Variants in FMN2 observed in about 807,000 individuals in gnomAD.
FMN2 encodes formin 2.
FMN2 carries 51 observed loss-of-function variants against 142.3 expected under a neutral mutation model. The observed-to-expected ratio is 0.36, with a 90% confidence interval of 0.29 to 0.45. FMN2 has a LOEUF of 0.45. Ranked by LOEUF, FMN2 falls within the 20% of genes least tolerant of loss-of-function variation. FMN2 has a pLI of 1.00. For synonymous variants in FMN2, 882 were observed against 869.8 expected, an observed-to-expected ratio of 1.01 and a Z score of -0.25; for missense variants, 1,936 against 2,122.8, an observed-to-expected ratio of 0.91 and a Z score of 1.73.
intron 15 of FMN2, among the ~76,000 whole-genome samples, chr1:240,432,542 T>C (rs562526405): frequency 1.1e-4 from 16 of 152,088 alleles, no homozygotes; most frequent in Admixed American, 1.0e-3. Context: ...TAAGTTGGGT[T>C]TAATTTGCTC....
At chr1:240,169,119 G>A (rs1039510792) in intron 2 of FMN2, among the ~76,000 whole-genome samples, 2 of 152,166 alleles carry the variant, frequency 1.3e-5, no homozygotes, top group Non-Finnish European at 2.9e-5. Flanking sequence ...GCTGAGGCAG[G>A]AGAATCGCTT....
chr1:240,290,782 T>TTTTTG lies in FMN2; in HGVS notation c.4154-4036_4154-4035insGTTTT, dbSNP rs1558415167. 3.0e-4 allele frequency among the ~76,000 whole-genome samples: 31 copies of TTTTTG among 103,150 alleles called. 2 individuals carry two copies. The highest frequency in any genetic ancestry group is 3.3e-4 in the Non-Finnish European group (17 of 50,834). 67.7% of individuals were successfully genotyped at this position (103,150 alleles called of 152,430 possible). The stretch of plus-strand genomic sequence containing the variant: ...CTGGAGTGATGTCTGTTTGTTTGGT[T>TTTTTG]TTTTTTTTTTGTTTTTTTTTTTTTT... On this transcript the variant is annotated intron_variant, in intron 7 of 17. Coordinates refer to ENST00000319653, the MANE Select transcript of FMN2 (RefSeq NM_020066.5).
intron 13 of FMN2, among the ~76,000 whole-genome samples, chr1:240,354,793 G>A (rs953444126): frequency 1.3e-5 from 2 of 152,100 alleles, no homozygotes; most frequent in African/African-American, 4.8e-5. Context: ...AAAGTCTCCT[G>A]GGAGAAATGG....
At chr1:240,256,846 C>A (rs932171844) in intron 6 of FMN2, among the ~76,000 whole-genome samples, 2 of 152,288 alleles carry the variant, frequency 1.3e-5, no homozygotes, top group East Asian at 3.9e-4. Context: ...CACCCCCATC[C>A]GTGCTGGGGC....
chr1:240,267,632 T>TAA (rs60539167), intron 7 of FMN2, among the ~76,000 whole-genome samples: 13 of 140,630 alleles, frequency 9.2e-5, no homozygotes, highest in Admixed American at 1.4e-4. Context: ...CCCCTGAACT[T>TAA]AAAAAAAAAA....
intron 13 of FMN2, among the ~76,000 whole-genome samples, chr1:240,348,275 G>A (rs1016090503): frequency 2.0e-5 from 3 of 150,346 alleles, no homozygotes; most frequent in African/African-American, 7.4e-5. Flanking sequence ...AGGCTAGAGT[G>A]CAATGGCATG....
At chr1:240,292,153 G>C (rs953309494) in intron 7 of FMN2, among the ~76,000 whole-genome samples, 2 of 152,050 alleles carry the variant, frequency 1.3e-5, no homozygotes, top group Non-Finnish European at 2.9e-5. Flanking sequence ...TATTCCCTTT[G>C]GAGGAACTGT....
At chr1:240,442,272 G>A (rs1457580018) in intron 16 of FMN2, among the ~76,000 whole-genome samples, 1 of 152,174 alleles carries the variant, frequency 6.6e-6, no homozygotes, top group Non-Finnish European at 1.5e-5. Flanking sequence ...AACCCAGGAG[G>A]ACAGAGCAGT....
intron 15 of FMN2, among the ~76,000 whole-genome samples, chr1:240,413,943 G>A (rs1047872646): frequency 6.6e-6 from 1 of 152,126 alleles, no homozygotes; most frequent in Non-Finnish European, 1.5e-5. Context: ...AATGCTATGC[G>A]GTTTTCAACA....
At chr1:240,210,269 C>T (rs10754695) in intron 5 of FMN2, among the ~76,000 whole-genome samples, 41,199 of 152,048 alleles carry the variant, frequency 0.27, 5,749 homozygotes, top group Middle Eastern at 0.38. Flanking sequence ...CTGTAAACCT[C>T]ACTGGGGCTT....
chr1:240,193,526 AGAGT>A (rs1309101215), intron 4 of FMN2, among the ~76,000 whole-genome samples: 4 of 152,236 alleles, frequency 2.6e-5, no homozygotes, highest in Non-Finnish European at 4.4e-5. Flanking sequence ...GGAGGGAAGA[AGAGT>A]GAGTATTTCA....
At chr1:240,191,326 A>T (rs1665688370) in intron 4 of FMN2, among the ~76,000 whole-genome samples, 1 of 152,252 alleles carries the variant, frequency 6.6e-6, no homozygotes, top group Non-Finnish European at 1.5e-5. Flanking sequence ...AACTCACAGG[A>T]GTAGAAGGCT....
chr1:240,168,024 C>G (rs1271141372), intron 2 of FMN2, among the ~76,000 whole-genome samples: 1 of 152,110 alleles, frequency 6.6e-6, no homozygotes, highest in Admixed American at 6.6e-5. Flanking sequence ...GCACTCTAGC[C>G]TGGGTGACAG....
At position 240,339,096 on chromosome 1, in the gene FMN2, C is replaced by A. The variant is rs939244115; in HGVS notation, c.4765+4867C>A. Among the ~76,000 whole-genome samples the A allele has an allele frequency of 1.3e-5, 2 of 152,152 alleles. 1 individual carries two copies. Among genetic ancestry groups the A allele is most frequent in the South Asian group, 4.1e-4 (2 of 4,836 alleles). On this transcript the variant is annotated intron_variant, in intron 13 of 17. Coordinates refer to ENST00000319653, the MANE Select transcript of FMN2 (RefSeq NM_020066.5). ...TTGCGATGAGGAGCGGCTATAAATA[C>A]AGATGAAGCTTTGCTTGCTTGCTGG...
At chr1:240,249,100 C>T (rs1292273753) in intron 6 of FMN2, among the ~76,000 whole-genome samples, 1 of 151,958 alleles carries the variant, frequency 6.6e-6, no homozygotes, top group Non-Finnish European at 1.5e-5. Flanking sequence ...CTTTTTAGCT[C>T]AAAATAGTCC....
chr1:240,426,423 G>A (rs1375793017), intron 15 of FMN2, among the ~76,000 whole-genome samples: 1 of 152,052 alleles, frequency 6.6e-6, no homozygotes, highest in Non-Finnish European at 1.5e-5. Context: ...AATATTTCTA[G>A]AATGCCATTT....
At chr1:240,107,751 C>A (rs1661667428) in intron 1 of FMN2, among the ~76,000 whole-genome samples, 1 of 150,918 alleles carries the variant, frequency 6.6e-6, no homozygotes, top group Admixed American at 6.6e-5. Context: ...TCTCTCTTCC[C>A]CAGGAAAAAA....
At chr1:240,322,020 C>A (rs547027258) in intron 8 of FMN2, among the ~76,000 whole-genome samples, 1 of 152,124 alleles carries the variant, frequency 6.6e-6, no homozygotes, top group African/African-American at 2.4e-5. Context: ...GCATTTAATA[C>A]ACCTAGCTTA....
chr1:240,158,702 A>G (rs2103287257), intron 2 of FMN2, among the ~76,000 whole-genome samples: 2 of 152,226 alleles, frequency 1.3e-5, no homozygotes, highest in South Asian at 4.1e-4. Flanking sequence ...CCAGTCCTGC[A>G]TTTTGTGTCG....
Sources: allele counts gnomAD v4.1 joint callset (sites outside exome capture counted in the v4.1 genomes callset), GRCh38; gene constraint gnomAD v4.1.1; transcripts MANE v1.5; gene names NCBI Gene and HGNC (gene_info 2026-07-23, HGNC 2026-07-21).